PTPRM: variants seen among roughly 807,000 people sequenced by gnomAD.
The protein encoded by PTPRM is protein tyrosine phosphatase receptor type M, also known as receptor-type tyrosine-protein phosphatase mu.
A neutral mutation model predicts 186.7 loss-of-function variants in PTPRM; 47 were observed. The ratio of observed to expected loss-of-function variants is 0.25; its 90% CI spans 0.20 to 0.32. The LOEUF (loss-of-function observed/expected upper bound fraction) is 0.32, where lower values mean the gene tolerates loss of function less well. Ranked by LOEUF, PTPRM falls within the 10% of genes least tolerant of loss-of-function variation. The probability of loss-of-function intolerance (pLI) is 1.00; values close to 1 mark genes in which losing one functional copy is unlikely to be tolerated. For synonymous variants in PTPRM, 668 were observed against 674.9 expected (o/e 0.99, Z 0.16); for missense variants, 1,494 against 1,865.0 (o/e 0.80, Z 3.66).
chr18:8,395,820 C>T (rs574998640), intron 32 of PTPRM, among the ~76,000 whole-genome samples: 1 of 152,276 alleles, frequency 6.6e-6, no homozygotes, highest in East Asian at 1.9e-4. Flanking sequence ...GTTAGGTGAC[C>T]CCAAACACAT....
chr18:8,087,102 G>T (rs960633542), intron 10 of PTPRM, among the ~76,000 whole-genome samples: 13 of 151,964 alleles, frequency 8.6e-5, no homozygotes, highest in African/African-American at 3.1e-4. Context: ...CTCTGATTTT[G>T]ATCAAATAAA....
intron 1 of PTPRM, among the ~76,000 whole-genome samples, chr18:7,621,126 A>T (rs907520986): frequency 1.3e-5 from 2 of 152,216 alleles, no homozygotes; most frequent in African/African-American, 4.8e-5. Context: ...AAATTTATTA[A>T]TGCATTTAAT....
rs1181508264 is a variant in PTPRM, at chr18:7,827,023, G to T, written c.196+52752G>T. On this transcript the variant is annotated intron_variant, in intron 2 of 32. Transcript: ENST00000580170. The stretch of plus-strand genomic sequence containing the variant: ...AGGCTGAGGTGGGAGGATTGCTTGG[G>T]TCCAGGAGGTCGAGGCTGCAGTGAG... Among the ~76,000 whole-genome samples the T allele has an allele frequency of 2.6e-5, 4 of 152,118 alleles. No homozygotes were observed. In the East Asian group the frequency reaches 7.7e-4, roughly 29 times the overall value.
At chr18:8,275,155 G>A (rs1239873329) in intron 19 of PTPRM, among the ~76,000 whole-genome samples, 5 of 152,118 alleles carry the variant, frequency 3.3e-5, no homozygotes, top group African/African-American at 4.8e-5. Flanking sequence ...AGGTTTCAAC[G>A]GGACCAGGTG....
intron 2 of PTPRM, among the ~76,000 whole-genome samples, chr18:7,834,458 T>TC (rs2045920485): frequency 2.3e-5 from 1 of 43,058 alleles, no homozygotes. Context: ...AATATAAGTA[T>TC]GTATATATAA....
chr18:8,254,771 G>T (rs1426327843), intron 19 of PTPRM, among the ~76,000 whole-genome samples: 3 of 152,218 alleles, frequency 2.0e-5, no homozygotes, highest in Non-Finnish European at 2.9e-5. Flanking sequence ...CATTACAGCA[G>T]TCAAAGCAAC....
chr18:7,981,835 T>C (rs1029854822), intron 7 of PTPRM, among the ~76,000 whole-genome samples: 2 of 152,184 alleles, frequency 1.3e-5, no homozygotes, highest in African/African-American at 4.8e-5. Flanking sequence ...TGCTGTAGAC[T>C]CTTGGAACAC....
intron 14 of PTPRM, among the ~76,000 whole-genome samples, chr18:8,243,724 C>T (rs924152029): frequency 8.5e-5 from 13 of 152,160 alleles, no homozygotes; most frequent in Admixed American, 7.9e-4. Flanking sequence ...AGGAGTGTAA[C>T]AATTAGATTA....
chr18:8,362,543 C>T (rs552726869), intron 23 of PTPRM, among the ~76,000 whole-genome samples: 1 of 152,112 alleles, frequency 6.6e-6, no homozygotes. Flanking sequence ...GCCCTCCCAG[C>T]CCCCACCTGC....
chr18:7,856,145 C>A (rs1289781508), intron 2 of PTPRM, among the ~76,000 whole-genome samples: 1 of 152,106 alleles, frequency 6.6e-6, no homozygotes, highest in Non-Finnish European at 1.5e-5. Context: ...ATCCAGCATT[C>A]TAGATTCCCT....
At chr18:7,612,279 G>A (rs1326573659) in intron 1 of PTPRM, among the ~76,000 whole-genome samples, 2 of 152,154 alleles carry the variant, frequency 1.3e-5, no homozygotes, top group African/African-American at 4.8e-5. Flanking sequence ...TGCAAAATGT[G>A]TATGGAACCT....
In PTPRM at chr18:7,693,837, G is replaced by A. The variant is rs572497236; in HGVS notation, c.74-80312G>A. Among the ~76,000 whole-genome samples, 212 of 152,216 alleles carry A rather than the reference G, an allele frequency of 1.4e-3. No homozygotes were observed. The Middle Eastern group carries it at 0.02, about 15-fold the overall frequency. ...GTTACCTGAGATGCAGACACAGGGT[G>A]GGGTTGGGGCACTGGGGTGAAGGAA... On this transcript the variant is annotated intron_variant, in intron 1 of 32. Coordinates refer to ENST00000580170, the MANE Select transcript of PTPRM (RefSeq NM_001105244.2).
intron 11 of PTPRM, among the ~76,000 whole-genome samples, chr18:8,090,445 T>C (rs924073688): frequency 6.6e-6 from 1 of 152,206 alleles, no homozygotes; most frequent in Non-Finnish European, 1.5e-5. Flanking sequence ...GAAAGCTTAA[T>C]CATTTTTCAA....
chr18:7,917,963 C>T (rs2050656372), intron 4 of PTPRM, among the ~76,000 whole-genome samples: 1 of 152,094 alleles, frequency 6.6e-6, no homozygotes, highest in Non-Finnish European at 1.5e-5. Flanking sequence ...GCTTATTTCA[C>T]TTAACATAAG....
intron 14 of PTPRM, among the ~76,000 whole-genome samples, chr18:8,145,873 G>A (rs1463090102): frequency 3.3e-5 from 5 of 152,306 alleles, no homozygotes; most frequent in South Asian, 2.1e-4. Context: ...GGATCAAATG[G>A]TATTTGTAGT....
chr18:8,101,473 G>A (rs2091287686), intron 11 of PTPRM, among the ~76,000 whole-genome samples: 1 of 152,168 alleles, frequency 6.6e-6, no homozygotes, highest in African/African-American at 2.4e-5. Flanking sequence ...CCTCAGTTAT[G>A]TTCTTCTTAG....
At chr18:7,796,357 C>T (rs936153528) in intron 2 of PTPRM, among the ~76,000 whole-genome samples, 6 of 152,126 alleles carry the variant, frequency 3.9e-5, no homozygotes, top group African/African-American at 9.7e-5. Context: ...CACACACATG[C>T]GTAACCTATA....
intron 1 of PTPRM, among the ~76,000 whole-genome samples, chr18:7,621,369 TC>T (rs1359826333): frequency 1.2e-4 from 18 of 152,140 alleles, no homozygotes; most frequent in Non-Finnish European, 2.6e-4. Flanking sequence ...GTGCTAGAGT[TC>T]CCATATAGCC....
At chr18:7,982,840 G>A (rs1336341412) in intron 7 of PTPRM, among the ~76,000 whole-genome samples, 1 of 152,062 alleles carries the variant, frequency 6.6e-6, no homozygotes, top group African/African-American at 2.4e-5. Context: ...TGATGGAAAT[G>A]TTGTTATGTG....
Sources: gnomAD v4.1 joint callset for allele counts (sites outside exome capture counted in the v4.1 genomes callset) on GRCh38, gnomAD v4.1.1 for gene constraint, MANE v1.5 for transcripts, NCBI Gene and HGNC (gene_info 2026-07-23, HGNC 2026-07-21) for gene names.